Variants in PTPDC1 observed in about 807,000 individuals in gnomAD.
The protein encoded by PTPDC1 is protein tyrosine phosphatase domain-containing protein 1.
In PTPDC1, 53 loss-of-function variants were observed where a neutral mutation model predicts 75.3. The observed-to-expected ratio is 0.70, with a 90% CI of 0.56 to 0.88. The LOEUF is 0.88. Ranked by LOEUF, PTPDC1 falls within the 40% of genes least tolerant of loss-of-function variation. PTPDC1 has a pLI of 0.00. For missense variants in PTPDC1, 925 were observed against 998.6 expected (o/e 0.93, Z 0.99); for synonymous variants, 349 against 366.2 (o/e 0.95, Z 0.54).
chr9:94,098,730 C>T (rs535118973), intron 6 of PTPDC1, 151 bp downstream of exon 6: 5 of 692,154 alleles, frequency 7.2e-6, no homozygotes, highest in East Asian at 2.7e-5. Context: ...GTCTCTGATG[C>T]GAACCTGATG....
chr9:94,098,744 T>C (rs1827725012), intron 6 of PTPDC1, 165 bp downstream of exon 6: 1 of 653,410 alleles, frequency 1.5e-6, no homozygotes, highest in Non-Finnish European at 2.6e-6. Flanking sequence ...CCTGATGTTA[T>C]AGAAAAAACA....
At chr9:94,034,125 C>T (rs1829778889) in intron 1 of PTPDC1, among the ~76,000 whole-genome samples, 1 of 152,142 alleles carries the variant, frequency 6.6e-6, no homozygotes, top group Admixed American at 6.5e-5. Context: ...GTGAATTTAA[C>T]ATGGTAAGAA....
chr9:94,048,044 G>C lies in PTPDC1; in HGVS notation c.-6-16690G>C, dbSNP rs376720132. 5.3e-5 allele frequency among the ~76,000 whole-genome samples: 8 copies of C among 152,240 alleles called. No homozygotes were observed. The East Asian group carries it at 5.8e-4, about 11-fold the overall frequency. The stretch of plus-strand genomic sequence containing the variant: ...AACTATTCCAATCAATAGAAAAAGA[G>C]GGAATCCTCCCTTTATCATTTTTTA... On this transcript the variant is annotated intron_variant, in intron 1 of 9. Coordinates refer to the PTPDC1 transcript ENST00000375360.
chr9:94,066,301 A>G (rs892030553), intron 2 of PTPDC1, among the ~76,000 whole-genome samples: 11 of 152,342 alleles, frequency 7.2e-5, no homozygotes, highest in Non-Finnish European at 1.5e-4. Flanking sequence ...TAATTAGGAA[A>G]AAATCTAGAC....
intron 1 of PTPDC1, among the ~76,000 whole-genome samples, chr9:94,040,466 C>A (rs995586000): frequency 7.2e-5 from 11 of 152,092 alleles, no homozygotes; most frequent in Admixed American, 7.2e-4. Flanking sequence ...TAATTTAATT[C>A]CAGATTAATT....
At chr9:94,088,688 G>A (rs572414313) in intron 4 of PTPDC1, among the ~76,000 whole-genome samples, 1 of 152,278 alleles carries the variant, frequency 6.6e-6, no homozygotes, top group Middle Eastern at 3.4e-3. Context: ...GTTTACTGCT[G>A]TCCAGCCCTG....
In PTPDC1 at chr9:94,097,381, T is replaced by C. The variant is rs532181650; in HGVS notation, c.815T>C (p.Ile272Thr). The C allele has an allele frequency of 7.4e-6, 12 of 1,614,022 alleles. No homozygotes were observed. The Admixed American group carries it at 1.2e-4, about 16-fold the overall frequency. ...AGAATGACTGCTGACCAAGCAATTA[T>C]ATTTGTGCGGGCAAAGCGACCCAAT... is the stretch of plus-strand genomic sequence containing the variant. ...ATRMTADQAI[I>T]FVRAKRPNSI... Residue 272 changes from isoleucine to threonine, a missense_variant, in exon 6 of 9, where the codon ATA becomes ACA. Transcript: ENST00000620992.
At chr9:94,041,845 ATAGTAT>A (rs958282402) in intron 1 of PTPDC1, among the ~76,000 whole-genome samples, 2 of 152,168 alleles carry the variant, frequency 1.3e-5, no homozygotes, top group African/African-American at 4.8e-5. Context: ...TTATTGGAAA[ATAGTAT>A]TAGAAACCAG....
upstream of PTPDC1, among the ~76,000 whole-genome samples, chr9:94,083,591 A>G (rs1462827600): frequency 3.9e-5 from 6 of 152,236 alleles, no homozygotes; most frequent in East Asian, 1.2e-3. Flanking sequence ...ACAAGGGAGG[A>G]GGCGGACAAT....
chr9:94,089,130 CA>C lies in PTPDC1; in HGVS notation c.616+868del, dbSNP rs924817294. Reference sequence around the variant, plus strand: ...TTTTAGGGTACATGTGCACATTGTGCAGGTTAGTTACATATGTATACATGTG... The same window carrying C: ...TTTTAGGGTACATGTGCACATTGTGCGGTTAGTTACATATGTATACATGTG... On this transcript the variant is annotated intron_variant, in intron 4 of 8. Transcript: ENST00000620992. Among the ~76,000 whole-genome samples the C allele has an allele frequency of 5.5e-5, 8 of 144,386 alleles. No homozygotes were observed. The Admixed American group carries it at 5.6e-4, about 10-fold the overall frequency. 94.7% of individuals were successfully genotyped at this position (144,386 alleles called of 152,430 possible).
chr9:94,095,448 C>G lies in PTPDC1; in HGVS notation c.748C>G (p.Arg250Gly), dbSNP rs191919844. ...VAIHCHAGLGRTGVLIACYLV... is the reference protein window; with the variant it reads ...VAIHCHAGLGGTGVLIACYLV... The stretch of plus-strand genomic sequence containing the variant: ...TATCCATTGTCATGCAGGGCTTGGT[C>G]GAACAGGTAGGTCCTAAGAGGTGGT... Residue 250 changes from arginine to glycine, a missense_variant, in exon 5 of 9, where the codon CGA becomes GGA. Coordinates refer to ENST00000620992, the MANE Select transcript of PTPDC1 (RefSeq NM_001253829.2). 5.3e-5 allele frequency: 85 copies of G among 1,612,146 alleles called. No homozygotes were observed. Among genetic ancestry groups the G allele is most frequent in the Admixed American group, 1.7e-5 (1 of 59,742 alleles).
chr9:94,097,636 G>A lies in PTPDC1; in HGVS notation c.1070G>A (p.Arg357Lys). ...CKLLLDLAEN[R>K]PVMMKDVSEG... ...TTGCTGCTGGACTTAGCGGAGAACAGGCCAGTGATGATGAAGGATGTGTCC... is the reference window on the plus strand; with the variant it reads ...TTGCTGCTGGACTTAGCGGAGAACAAGCCAGTGATGATGAAGGATGTGTCC... The change falls in exon 6 of 9, where the codon AGG (arginine) becomes AAG (lysine). Residue 357 changes from arginine to lysine, a missense_variant. Transcript: ENST00000620992. 6.2e-7 allele frequency: 1 copy of A among 1,614,048 alleles called. No homozygotes were observed. Among genetic ancestry groups the A allele is most frequent in the Non-Finnish European group, 8.5e-7 (1 of 1,180,034 alleles).
chr9:94,068,201 A>G (rs1262569238), intron 2 of PTPDC1, among the ~76,000 whole-genome samples: 1 of 152,156 alleles, frequency 6.6e-6, no homozygotes, highest in African/African-American at 2.4e-5. Flanking sequence ...AACTTACAGT[A>G]AAGGTACAAG....
intron 1 of PTPDC1, among the ~76,000 whole-genome samples, chr9:94,061,125 C>G (rs1826116861): frequency 6.6e-6 from 1 of 152,174 alleles, no homozygotes; most frequent in Admixed American, 6.5e-5. Flanking sequence ...GGTAAATACT[C>G]CCATTCCGAA....
intron 4 of PTPDC1, among the ~76,000 whole-genome samples, chr9:94,089,324 G>A (rs1395054124): frequency 6.6e-6 from 1 of 150,468 alleles, no homozygotes; most frequent in Non-Finnish European, 1.5e-5. Context: ...GTGAGAATAT[G>A]CGGTGTTTGC....
At chr9:94,064,805 T>C in exon 2 of PTPDC1, 2 of 1,613,012 alleles carry the variant, frequency 1.2e-6, no homozygotes, top group Non-Finnish European at 1.7e-6. Context: ...ACAGCGAGTG[T>C]GTTGCAAACA....
At chr9:94,076,262 C>T (rs1826684888) in intron 2 of PTPDC1, among the ~76,000 whole-genome samples, 1 of 152,144 alleles carries the variant, frequency 6.6e-6, no homozygotes, top group Admixed American at 6.5e-5. Context: ...CCTCAGCCTC[C>T]CAAAGTGCTG....
In PTPDC1 at chr9:94,084,637, A is replaced by G. The variant is rs201016123; in HGVS notation, c.107A>G (p.Gln36Arg). ...STSDPVLRLQQARRGSGLGSG... is the reference protein window; with the variant it reads ...STSDPVLRLQRARRGSGLGSG... ...TCAGACCCAGTACTGCGGCTGCAGC[A>G]GGCCCGGCGGGGCTCTGGCTTGGGC... The change falls in exon 1 of 9, where the codon CAG becomes CGG. Residue 36 changes from glutamine (Q) to arginine (R), a missense_variant. By Grantham distance (43) the Gln-to-Arg change is conservative (BLOSUM62 1). Coordinates refer to ENST00000620992, the MANE Select transcript of PTPDC1 (RefSeq NM_001253829.2). 1.2e-4 allele frequency: 189 copies of G among 1,613,306 alleles called. No homozygotes were observed. The highest frequency in any genetic ancestry group is 9.1e-5 in the Non-Finnish European group (107 of 1,179,762).
chr9:94,065,657 C>A (rs981504335), intron 2 of PTPDC1, among the ~76,000 whole-genome samples: 1 of 152,174 alleles, frequency 6.6e-6, no homozygotes, highest in Admixed American at 6.5e-5. Flanking sequence ...TCAAGAAAAC[C>A]ATTGTTTCCC....
Sources: gnomAD v4.1 joint callset for allele counts (sites outside exome capture counted in the v4.1 genomes callset) on GRCh38, gnomAD v4.1.1 for gene constraint, MANE v1.5 for transcripts, NCBI Gene and HGNC (gene_info 2026-07-23, HGNC 2026-07-21) for gene names.